ROBO2: variants seen among roughly 807,000 people sequenced by gnomAD.
ROBO2 encodes the protein roundabout homolog 2.
Under a neutral mutation model 160.8 loss-of-function variants are expected in ROBO2, and 53 were observed. The observed-to-expected ratio is 0.33, with a 90% CI of 0.26 to 0.41. The LOEUF is 0.41. Among genes scored for constraint, ROBO2 ranks in the 10% least tolerant of loss-of-function variants. ROBO2 has a pLI of 1.00. For synonymous variants in ROBO2, 664 were observed against 611.7 expected, an observed-to-expected ratio of 1.09 and a Z score of -1.26; for missense variants, 1,577 against 1,722.4, an observed-to-expected ratio of 0.92 and a Z score of 1.49.
At chr3:77,280,160 C>T (rs78865225) in intron 2 of ROBO2, among the ~76,000 whole-genome samples, 6,809 of 152,096 alleles carry the variant, frequency 0.045, 520 homozygotes, top group African/African-American at 0.16. Flanking sequence ...AATCTGGCCT[C>T]GATTCTAATT....
At chr3:76,131,294 TA>T (rs1357870669) in intron 2 of ROBO2, among the ~76,000 whole-genome samples, 1 of 152,166 alleles carries the variant, frequency 6.6e-6, no homozygotes, top group African/African-American at 2.4e-5. Context: ...TGCAGTTTAT[TA>T]ATCCTTAAGT....
At chr3:76,474,937 G>A (rs530040184) in intron 2 of ROBO2, among the ~76,000 whole-genome samples, 1 of 152,148 alleles carries the variant, frequency 6.6e-6, no homozygotes, top group South Asian at 2.1e-4. Flanking sequence ...TCATGGCAAC[G>A]TCAGAAACGC....
intron 2 of ROBO2, among the ~76,000 whole-genome samples, chr3:77,126,398 T>C (rs574475049): frequency 6.6e-6 from 1 of 152,210 alleles, no homozygotes; most frequent in Non-Finnish European, 1.5e-5. Context: ...ACAAATCAGA[T>C]TTACAGATTC....
intron 2 of ROBO2, among the ~76,000 whole-genome samples, chr3:76,567,763 C>G (rs146958417): frequency 2.5e-4 from 22 of 88,354 alleles, no homozygotes; most frequent in Admixed American, 4.9e-4. Flanking sequence ...ATATATCTGT[C>G]TGTGTGTGTG....
At chr3:76,875,892 G>T (rs2072661307) in intron 2 of ROBO2, among the ~76,000 whole-genome samples, 1 of 152,082 alleles carries the variant, frequency 6.6e-6, no homozygotes, top group Non-Finnish European at 1.5e-5. Flanking sequence ...GACCTCAGGT[G>T]ATCTGCCTGC....
At chr3:77,333,399 C>T (rs904150884) in intron 2 of ROBO2, among the ~76,000 whole-genome samples, 6 of 152,090 alleles carry the variant, frequency 3.9e-5, no homozygotes, top group South Asian at 2.1e-4. Flanking sequence ...CCTAGATTTT[C>T]GTTTTATTAG....
chr3:76,105,381 G>A (rs187232755), intron 2 of ROBO2, among the ~76,000 whole-genome samples: 71 of 152,204 alleles, frequency 4.7e-4, no homozygotes, highest in South Asian at 3.1e-3. Flanking sequence ...TCCAGCTTAA[G>A]AAATGGAACA....
intron 20 of ROBO2, among the ~76,000 whole-genome samples, chr3:77,606,213 A>G (rs775710): frequency 6.6e-6 from 1 of 151,884 alleles, no homozygotes; most frequent in Non-Finnish European, 1.5e-5. Flanking sequence ...GATAGAGGAT[A>G]TGGGGGAAAA....
At chr3:77,361,922 C>T (rs866012567) in intron 2 of ROBO2, among the ~76,000 whole-genome samples, 2 of 152,194 alleles carry the variant, frequency 1.3e-5, no homozygotes, top group African/African-American at 4.8e-5. Context: ...AAATGTTCAC[C>T]GAATGCCTAA....
Position 77,624,744 on chromosome 3 carries a change from A to G in ROBO2, c.3760+2312A>G, listed in dbSNP as rs147120465. Among the ~76,000 whole-genome samples, 5 of 152,148 alleles carry G rather than the reference A, an allele frequency of 3.3e-5. 1 individual carries two copies. The highest frequency in any genetic ancestry group is 7.4e-5 in the Non-Finnish European group (5 of 68,008). ...TTGTGGTGTGAATAAATTAGTCATTACCTCCCCCTGAAATGCTGTTAGTTA... is the reference window on the plus strand; with the variant it reads ...TTGTGGTGTGAATAAATTAGTCATTGCCTCCCCCTGAAATGCTGTTAGTTA... On this transcript the variant is annotated intron_variant, in intron 23 of 25. Transcript: ENST00000461745.
intron 2 of ROBO2, among the ~76,000 whole-genome samples, chr3:76,867,492 A>G (rs2071503182): frequency 6.6e-6 from 1 of 152,170 alleles, no homozygotes; most frequent in African/African-American, 2.4e-5. Flanking sequence ...GCCCATAGAA[A>G]TGTAAACCTT....
At chr3:76,503,019 TGC>T (rs58363233) in intron 2 of ROBO2, among the ~76,000 whole-genome samples, 22 of 142,400 alleles carry the variant, frequency 1.5e-4, no homozygotes, top group South Asian at 1.3e-3. Flanking sequence ...TGTGTGTGTG[TGC>T]GCGCGCACGC....
chr3:76,184,730 A>G (rs1329317679), intron 2 of ROBO2, among the ~76,000 whole-genome samples: 6 of 152,082 alleles, frequency 3.9e-5, no homozygotes, highest in African/African-American at 1.2e-4. Context: ...CAGGGAAGTC[A>G]ATGCTGTAAT....
Position 75,930,302 on chromosome 3 carries a change from G to A in ROBO2, c.-13-7179G>A, listed in dbSNP as rs115010395. On this transcript the variant is annotated intron_variant, in intron 1 of 26. Coordinates refer to the ROBO2 transcript ENST00000487694. The stretch of plus-strand genomic sequence containing the variant: ...TCCTACAATCCTTCATTTTTATTGA[G>A]ACTCTCCTTGGGACACAGCTGCTGC... Among the ~76,000 whole-genome samples, 486 of 152,048 alleles carry A rather than the reference G, an allele frequency of 3.2e-3. 1 individual carries two copies. The highest frequency in any genetic ancestry group is 0.011 in the African/African-American group (467 of 41,442).
intron 2 of ROBO2, among the ~76,000 whole-genome samples, chr3:76,941,870 T>G (rs2149115154): frequency 6.6e-6 from 1 of 152,292 alleles, no homozygotes. Flanking sequence ...CAGAGAAACT[T>G]AAAAATTCAT....
In ROBO2 at chr3:76,246,102, A is replaced by T. The variant is rs535225146; in HGVS notation, c.109+308500A>T. Among the ~76,000 whole-genome samples, 7 of 151,858 alleles carry T rather than the reference A, an allele frequency of 4.6e-5. No individual in the cohort carries two copies. The East Asian group carries it at 1.2e-3, about 25-fold the overall frequency. On this transcript the variant is annotated intron_variant, in intron 2 of 26. Coordinates refer to the ROBO2 transcript ENST00000487694. ...GAAAATAACACACTTTCTAGGTGGT[A>T]TGTGTATTTTGTTAGTGAAGAAGTT... is the stretch of plus-strand genomic sequence containing the variant.
chr3:76,521,385 G>A (rs1029894466), intron 2 of ROBO2, among the ~76,000 whole-genome samples: 4 of 152,048 alleles, frequency 2.6e-5, no homozygotes, highest in African/African-American at 9.7e-5. Context: ...TGATTCCAGT[G>A]GAGGTCCTAG....
intron 21 of ROBO2, among the ~76,000 whole-genome samples, chr3:77,611,020 T>C (rs113779361): frequency 0.01 from 1,589 of 151,878 alleles, 31 homozygotes; most frequent in African/African-American, 0.037. Context: ...ATAGGGTGGC[T>C]GGGCGCGGTG....
At chr3:77,130,483 G>A (rs755737497) in intron 2 of ROBO2, among the ~76,000 whole-genome samples, 8 of 152,264 alleles carry the variant, frequency 5.3e-5, no homozygotes, top group Admixed American at 6.5e-5. Context: ...TTAAAATGAT[G>A]TATAACATAA....
Sources: allele counts gnomAD v4.1 joint callset (sites outside exome capture counted in the v4.1 genomes callset), GRCh38; gene constraint gnomAD v4.1.1; transcripts MANE v1.5; gene names NCBI Gene and HGNC (gene_info 2026-07-23, HGNC 2026-07-21).